Variants in CDH12 observed in about 807,000 individuals in gnomAD.
CDH12 encodes the protein cadherin 12.
CDH12 carries 41 observed loss-of-function variants against 74.1 expected under a neutral mutation model. The ratio of observed to expected loss-of-function variants is 0.55; its 90% CI spans 0.43 to 0.72. CDH12 has a LOEUF of 0.72. Ranked by LOEUF, CDH12 falls within the 30% of genes least tolerant of loss-of-function variation. The pLI is 0.00. For synonymous variants in CDH12, 399 were observed against 355.0 expected (o/e 1.12, Z -1.39); for missense variants, 945 against 977.2 (o/e 0.97, Z 0.44).
rs5866562 is a variant in CDH12, at chr5:22,390,575, G to GAGATAGATAGAT, written c.-333+14670_-333+14681dup. The stretch of plus-strand genomic sequence containing the variant: ...AGCCTTGATTACATGGATGGATGGA[G>GAGATAGATAGAT]AGATAGATAGATAGATAGATAGATA... On this transcript the variant is annotated intron_variant, in intron 3 of 14. Transcript: ENST00000382254. Among the ~76,000 whole-genome samples, 531 of 148,264 alleles carry GAGATAGATAGAT rather than the reference G, an allele frequency of 3.6e-3. 2 individuals carry two copies. Among genetic ancestry groups the GAGATAGATAGAT allele is most frequent in the East Asian group, 7.2e-3 (36 of 5,010 alleles).
intron 2 of CDH12, among the ~76,000 whole-genome samples, chr5:22,420,031 G>A (rs1416168093): frequency 1.3e-5 from 2 of 151,546 alleles, no homozygotes; most frequent in Non-Finnish European, 3.0e-5. Flanking sequence ...GTGTGTGTGT[G>A]TGTTGTAAAT....
intron 2 of CDH12, among the ~76,000 whole-genome samples, chr5:22,494,285 T>G (rs1178845513): frequency 6.6e-6 from 1 of 152,126 alleles, no homozygotes; most frequent in Non-Finnish European, 1.5e-5. Flanking sequence ...CTGTGCACAT[T>G]AGGTGAATCG....
At position 22,662,119 on chromosome 5, in the gene CDH12, A is replaced by G. The variant is rs993151750; in HGVS notation, c.-522-156755T>C. Among the ~76,000 whole-genome samples, 35 of 152,128 alleles carry G rather than the reference A, an allele frequency of 2.3e-4. 1 individual carries two copies. The highest frequency in any genetic ancestry group is 8.2e-4 in the African/African-American group (34 of 41,442). Reference sequence around the variant, plus strand: ...GAACTCGCAGTGAGGATACTACCTAATCATACCAAAAAGTTCCATTATTGT... The same window carrying G: ...GAACTCGCAGTGAGGATACTACCTAGTCATACCAAAAAGTTCCATTATTGT... On this transcript the variant is annotated intron_variant, in intron 1 of 14. Transcript: ENST00000382254.
intron 4 of CDH12, among the ~76,000 whole-genome samples, chr5:22,180,799 C>A (rs914639859): frequency 1.1e-4 from 17 of 151,972 alleles, no homozygotes; most frequent in African/African-American, 3.9e-4. Context: ...CCGTGCCCAG[C>A]CAGTTTTTGA....
intron 1 of CDH12, among the ~76,000 whole-genome samples, chr5:22,606,400 T>C (rs1446094755): frequency 6.6e-6 from 1 of 152,188 alleles, no homozygotes; most frequent in Admixed American, 6.5e-5. Flanking sequence ...AAATCTCACC[T>C]TGAATTGTAA....
At chr5:21,908,806 T>A (rs898475254) in intron 6 of CDH12, among the ~76,000 whole-genome samples, 4 of 152,210 alleles carry the variant, frequency 2.6e-5, no homozygotes, top group Admixed American at 2.6e-4. Flanking sequence ...AGGCAATTAT[T>A]GTTCTTCAGA....
At chr5:22,403,966 G>A (rs1264644729) in intron 3 of CDH12, among the ~76,000 whole-genome samples, 2 of 151,930 alleles carry the variant, frequency 1.3e-5, no homozygotes, top group African/African-American at 4.8e-5. Flanking sequence ...TTTACTATAT[G>A]ATGCATATAT....
In CDH12 at chr5:22,614,567, G is replaced by A. The variant is rs572547200; in HGVS notation, c.-522-109203C>T. On this transcript the variant is annotated intron_variant, in intron 1 of 14. Transcript: ENST00000382254. ...ATTGGAAAAAGACTAGTTAATTTAA[G>A]GAAATATAAAACATGTCAACGTGTT... is the stretch of plus-strand genomic sequence containing the variant. 6.2e-4 allele frequency among the ~76,000 whole-genome samples: 95 copies of A among 152,182 alleles called. 4 individuals carry two copies. In the South Asian group the frequency reaches 0.02, roughly 32 times the overall value.
At chr5:22,156,634 A>G (rs1043668076) in intron 4 of CDH12, among the ~76,000 whole-genome samples, 4 of 152,182 alleles carry the variant, frequency 2.6e-5, no homozygotes, top group African/African-American at 9.6e-5. Flanking sequence ...GATACTAAGT[A>G]GCTGGCTGGG....
chr5:22,138,561 T>C (rs1746589163), intron 4 of CDH12, among the ~76,000 whole-genome samples: 1 of 150,918 alleles, frequency 6.6e-6, no homozygotes, highest in Non-Finnish European at 1.5e-5. Flanking sequence ...TATCAAAAGG[T>C]TATTTAAATG....
intron 1 of CDH12, among the ~76,000 whole-genome samples, chr5:22,573,553 T>C (rs1195489853): frequency 6.6e-6 from 1 of 152,194 alleles, no homozygotes; most frequent in Non-Finnish European, 1.5e-5. Flanking sequence ...ATGTATTAAC[T>C]CTAATTGCCT....
intron 1 of CDH12, among the ~76,000 whole-genome samples, chr5:22,712,477 T>C (rs966798706): frequency 1.2e-5 from 1 of 83,578 alleles, no homozygotes; most frequent in Non-Finnish European, 2.5e-5. Context: ...TTGGCTAGAA[T>C]AGATGTTCCT....
intron 6 of CDH12, among the ~76,000 whole-genome samples, chr5:21,891,552 C>T (rs1268421174): frequency 6.8e-6 from 1 of 146,612 alleles, no homozygotes; most frequent in African/African-American, 2.6e-5. Flanking sequence ...AATTCTCTTT[C>T]CTGTGAATAC....
At chr5:21,987,162 C>A (rs183375216) in intron 5 of CDH12, among the ~76,000 whole-genome samples, 1 of 151,300 alleles carries the variant, frequency 6.6e-6, no homozygotes, top group Non-Finnish European at 1.5e-5. Context: ...TTTTAAATAC[C>A]CTTTTGTTTA....
intron 6 of CDH12, among the ~76,000 whole-genome samples, chr5:21,968,793 C>T (rs928812974): frequency 7.2e-5 from 11 of 152,036 alleles, no homozygotes; most frequent in South Asian, 2.1e-4. Context: ...GATACTATGC[C>T]GCCACAAAAA....
At chr5:22,784,712 C>A (rs1561028739) in intron 1 of CDH12, among the ~76,000 whole-genome samples, 1 of 152,064 alleles carries the variant, frequency 6.6e-6, no homozygotes, top group Non-Finnish European at 1.5e-5. Context: ...ATTGTATTTT[C>A]CTGCTTGCAA....
At chr5:22,082,774 G>A (rs1742827650) in intron 4 of CDH12, among the ~76,000 whole-genome samples, 1 of 152,134 alleles carries the variant, frequency 6.6e-6, no homozygotes, top group Admixed American at 6.6e-5. Flanking sequence ...TGGAGCCACA[G>A]AGGAGTGCAA....
intron 1 of CDH12, among the ~76,000 whole-genome samples, chr5:22,687,037 T>A (rs189012757): frequency 6.6e-6 from 1 of 152,230 alleles, no homozygotes; most frequent in Non-Finnish European, 1.5e-5. Context: ...GGCTCATGCC[T>A]GTAATCCCAG....
At chr5:21,828,907 TC>T (rs1561219839) in intron 8 of CDH12, among the ~76,000 whole-genome samples, 1 of 127,258 alleles carries the variant, frequency 7.9e-6, no homozygotes, top group Admixed American at 7.7e-5. Context: ...AAATCCTATG[TC>T]TTTTTTTTTT....
Sources: gnomAD v4.1 joint callset for allele counts (sites outside exome capture counted in the v4.1 genomes callset) on GRCh38, gnomAD v4.1.1 for gene constraint, MANE v1.5 for transcripts, NCBI Gene and HGNC (gene_info 2026-07-23, HGNC 2026-07-21) for gene names.